Variants in GRHL2 observed in about 807,000 individuals in gnomAD.
GRHL2 encodes grainyhead-like protein 2 homolog.
Under a neutral mutation model 83.8 loss-of-function variants are expected in GRHL2, and 21 were observed. The ratio of observed to expected loss-of-function variants is 0.25; its 90% CI spans 0.18 to 0.36. The LOEUF (loss-of-function observed/expected upper bound fraction) is 0.36. Among genes scored for constraint, GRHL2 ranks in the 10% least tolerant of loss-of-function variants. GRHL2 has a pLI of 1.00. For synonymous variants in GRHL2, 280 were observed against 278.9 expected (o/e 1.00, Z -0.04); for missense variants, 623 against 781.8 (o/e 0.80, Z 2.42).
intron 1 of GRHL2, among the ~76,000 whole-genome samples, chr8:101,533,692 G>A (rs1422139961): frequency 6.6e-6 from 1 of 152,216 alleles, no homozygotes; most frequent in Non-Finnish European, 1.5e-5. Context: ...GCAGGTTGCT[G>A]CATTAAATAG....
intron 7 of GRHL2, among the ~76,000 whole-genome samples, chr8:101,583,982 C>T (rs6988306): frequency 0.12 from 18,414 of 152,188 alleles, 1,154 homozygotes; most frequent in Middle Eastern, 0.17. Flanking sequence ...GCTTTCAGAA[C>T]GGGCAGTACA....
At chr8:101,493,789 C>T (rs962238886) in intron 1 of GRHL2, among the ~76,000 whole-genome samples, 1 of 151,996 alleles carries the variant, frequency 6.6e-6, no homozygotes, top group Non-Finnish European at 1.5e-5. Flanking sequence ...GCACTCCAGA[C>T]GCGTCGGGGA....
chr8:101,622,332 T>G (rs947981192), intron 9 of GRHL2, among the ~76,000 whole-genome samples: 10 of 152,010 alleles, frequency 6.6e-5, no homozygotes, highest in Non-Finnish European at 1.3e-4. Flanking sequence ...ACCCCCAAAA[T>G]CCAGAGAATA....
downstream of GRHL2, among the ~76,000 whole-genome samples, chr8:101,674,298 G>A (rs940355332): frequency 2.6e-5 from 4 of 152,058 alleles, no homozygotes; most frequent in East Asian, 5.8e-4. Context: ...CAACAATATC[G>A]ATAGACCGCT....
At chr8:101,608,421 C>T (rs1029831921) in intron 8 of GRHL2, among the ~76,000 whole-genome samples, 1 of 152,130 alleles carries the variant, frequency 6.6e-6, no homozygotes, top group Non-Finnish European at 1.5e-5. Flanking sequence ...CTGGGCCAGG[C>T]GGTGGAGGGT....
chr8:101,507,366 AT>A (rs1360649734), intron 1 of GRHL2, among the ~76,000 whole-genome samples: 2 of 152,050 alleles, frequency 1.3e-5, no homozygotes, highest in African/African-American at 2.4e-5. Flanking sequence ...TACTCATTAA[AT>A]TTTTTTCTTT....
chr8:101,640,678 C>A (rs931156330), intron 12 of GRHL2, among the ~76,000 whole-genome samples: 2 of 152,150 alleles, frequency 1.3e-5, no homozygotes, highest in Admixed American at 6.5e-5. Flanking sequence ...CTGAGGTCCT[C>A]TTTTTCCAGC....
chr8:101,600,072 G>A (rs1022676572), intron 8 of GRHL2, among the ~76,000 whole-genome samples: 1 of 152,210 alleles, frequency 6.6e-6, no homozygotes, highest in African/African-American at 2.4e-5. Context: ...TGCGAGCAGG[G>A]GGAAGGCTGG....
chr8:101,594,091 AAAAAAAAG>A (rs1470610627), intron 7 of GRHL2, among the ~76,000 whole-genome samples: 9 of 136,718 alleles, frequency 6.6e-5, no homozygotes, highest in East Asian at 4.3e-4. Context: ...AAAAAAAAAA[AAAAAAAAG>A]AGAGAGATAG....
At chr8:101,537,868 G>T (rs1381655965) in intron 1 of GRHL2, among the ~76,000 whole-genome samples, 1 of 152,122 alleles carries the variant, frequency 6.6e-6, no homozygotes, top group East Asian at 1.9e-4. Flanking sequence ...AATAATTTGT[G>T]TGCATACTTC....
At chr8:101,635,008 G>A (rs769466014) in intron 11 of GRHL2, among the ~76,000 whole-genome samples, 16 of 152,220 alleles carry the variant, frequency 1.1e-4, no homozygotes, top group Non-Finnish European at 2.2e-4. Flanking sequence ...GGGATGCAGC[G>A]GCATCATCTT....
chr8:101,516,454 G>A (rs1810574948), intron 1 of GRHL2, among the ~76,000 whole-genome samples: 1 of 133,594 alleles, frequency 7.5e-6, no homozygotes, highest in African/African-American at 2.9e-5. Context: ...TCCCTCTGTG[G>A]CCAGGCTGGA....
intron 1 of GRHL2, among the ~76,000 whole-genome samples, chr8:101,523,203 C>A (rs759263013): frequency 6.6e-6 from 1 of 151,592 alleles, no homozygotes; most frequent in Non-Finnish European, 1.5e-5. Flanking sequence ...TAAGCCACTG[C>A]GCCCAGCCAA....
chr8:101,669,662 CA>C lies in GRHL2; in HGVS notation c.*2960del, dbSNP rs1306450022. 2 of 150,388 alleles carry C rather than the reference CA, an allele frequency of 1.3e-5. No individual in the cohort carries two copies. The highest frequency in any genetic ancestry group is 3.9e-4 in the East Asian group (2 of 5,128). The allele number at this position is 150,388 out of a possible 1,614,324, so 9.3% of individuals were successfully genotyped here. ...AGGGGGAATCTATAAACTATAAATA[CA>C]GTTATTTTATTTTTTGTACATTTTT... On this transcript the variant is annotated 3_prime_UTR_variant, in exon 16 of 16. Transcript: ENST00000646743.
At chr8:101,559,193 G>A (rs1811551802) in intron 4 of GRHL2, among the ~76,000 whole-genome samples, 1 of 151,692 alleles carries the variant, frequency 6.6e-6, no homozygotes, top group Admixed American at 6.6e-5. Context: ...CTAAAGGTAG[G>A]GCTTGTCCAT....
intron 1 of GRHL2, among the ~76,000 whole-genome samples, chr8:101,498,370 T>G (rs1810151541): frequency 1.3e-5 from 2 of 152,198 alleles, no homozygotes; most frequent in Non-Finnish European, 2.9e-5. Flanking sequence ...TCCACCCACC[T>G]TAGCCTCCCA....
At chr8:101,617,135 T>C (rs564022394) in intron 8 of GRHL2, among the ~76,000 whole-genome samples, 44 of 152,268 alleles carry the variant, frequency 2.9e-4, no homozygotes, top group African/African-American at 1.0e-3. Flanking sequence ...CCATCTACAG[T>C]ACAATTTCAT....
intron 8 of GRHL2, among the ~76,000 whole-genome samples, chr8:101,610,863 C>T (rs578044722): frequency 6.6e-6 from 1 of 150,906 alleles, no homozygotes; most frequent in Non-Finnish European, 1.5e-5. Flanking sequence ...GAAGGAAAAG[C>T]AAGTTTATTC....
intron 8 of GRHL2, among the ~76,000 whole-genome samples, chr8:101,611,315 G>A (rs1812745285): frequency 6.6e-6 from 1 of 150,898 alleles, no homozygotes. Flanking sequence ...TTCAGAGAAA[G>A]CTCTTTCTTC....
Sources: allele counts gnomAD v4.1 joint callset (sites outside exome capture counted in the v4.1 genomes callset), GRCh38; gene constraint gnomAD v4.1.1; transcripts MANE v1.5; gene names NCBI Gene and HGNC (gene_info 2026-07-23, HGNC 2026-07-21).